The following ANKS1B variants were observed in gnomAD, a reference collection of about 807,000 sequenced individuals.
The protein encoded by ANKS1B is ankyrin repeat and sterile alpha motif domain containing 1B.
Under a neutral mutation model 148.3 loss-of-function variants are expected in ANKS1B, and 36 were observed. That is an observed-to-expected ratio of 0.24 (90% CI 0.19 to 0.32). The LOEUF (loss-of-function observed/expected upper bound fraction) is 0.32. ANKS1B is among the 10% of genes least tolerant of loss of function. The pLI, the probability that ANKS1B is intolerant of heterozygous loss-of-function variation, is 1.00. For synonymous variants in ANKS1B, 542 were observed against 560.8 expected (o/e 0.97, Z 0.47); for missense variants, 1,157 against 1,542.6 (o/e 0.75, Z 4.19).
At chr12:99,970,250 CTGA>C in intron 1 of ANKS1B, among the ~76,000 whole-genome samples, 1 of 152,134 alleles carries the variant, frequency 6.6e-6, no homozygotes, top group South Asian at 2.1e-4. Context: ...ATAGGTGCTT[CTGA>C]TGGAGGACAT....
intron 12 of ANKS1B, among the ~76,000 whole-genome samples, chr12:99,280,477 G>T (rs1395755652): frequency 6.6e-6 from 1 of 152,146 alleles, no homozygotes; most frequent in Non-Finnish European, 1.5e-5. Flanking sequence ...CTTCTGGGCT[G>T]CCATGGTACA....
At chr12:99,038,980 T>C (rs775478324) in intron 17 of ANKS1B, among the ~76,000 whole-genome samples, 7 of 152,268 alleles carry the variant, frequency 4.6e-5, no homozygotes, top group Admixed American at 6.5e-5. Flanking sequence ...TTATTGTCTT[T>C]GTCCAGCTCT....
Position 98,798,799 on chromosome 12 carries a change from C to G in ANKS1B, c.3342+135G>C. Reference sequence around the variant, plus strand: ...CATAAACATGCAGAAAGCAAGAGCACCTTTTTATGTAATACCAATGTGATT... The same window carrying G: ...CATAAACATGCAGAAAGCAAGAGCAGCTTTTTATGTAATACCAATGTGATT... On this transcript the variant is annotated intron_variant, in intron 22 of 26. Transcript: ENST00000683438. The G allele has an allele frequency of 6.5e-6, 4 of 611,496 alleles. No individual in the cohort carries two copies. In the East Asian group the frequency reaches 1.2e-4, roughly 18 times the overall value. 37.9% of individuals were successfully genotyped at this position (611,496 alleles called of 1,614,324 possible). A position where few individuals can be genotyped will look rare whatever the true frequency, so the allele number is the denominator to read the frequency against.
intron 12 of ANKS1B, among the ~76,000 whole-genome samples, chr12:99,293,030 T>C (rs2080259682): frequency 6.6e-6 from 1 of 152,224 alleles, no homozygotes; most frequent in East Asian, 1.9e-4. Flanking sequence ...CAAATCATGC[T>C]ACTATAAAGA....
At chr12:98,855,016 G>A (rs946067548) in intron 17 of ANKS1B, among the ~76,000 whole-genome samples, 7 of 151,946 alleles carry the variant, frequency 4.6e-5, no homozygotes, top group Middle Eastern at 3.4e-3. Context: ...AAAATTAGCC[G>A]GGCGCGGTGG....
intron 9 of ANKS1B, among the ~76,000 whole-genome samples, chr12:99,606,992 T>G (rs2097856012): frequency 1.3e-5 from 2 of 152,094 alleles, no homozygotes; most frequent in East Asian, 3.9e-4. Flanking sequence ...AAAGGCAAGG[T>G]CCATATGGAT....
chr12:99,433,533 T>G (rs150859967), intron 11 of ANKS1B, among the ~76,000 whole-genome samples: 35 of 152,302 alleles, frequency 2.3e-4, no homozygotes, highest in Non-Finnish European at 2.6e-4. Context: ...AGGATTTTTT[T>G]GATGGAATGG....
At chr12:99,702,998 A>G (rs2055119511) in intron 8 of ANKS1B, among the ~76,000 whole-genome samples, 1 of 152,076 alleles carries the variant, frequency 6.6e-6, no homozygotes, top group African/African-American at 2.4e-5. Context: ...ACAGATATCC[A>G]GTTTTCCCAG....
intron 12 of ANKS1B, among the ~76,000 whole-genome samples, chr12:99,391,556 T>A (rs932720731): frequency 6.6e-6 from 1 of 152,224 alleles, no homozygotes; most frequent in Non-Finnish European, 1.5e-5. Flanking sequence ...CTTGAGATAC[T>A]CTCACAGCAC....
chr12:99,633,193 A>G (rs2153404168), intron 9 of ANKS1B, among the ~76,000 whole-genome samples: 1 of 152,050 alleles, frequency 6.6e-6, no homozygotes, highest in African/African-American at 2.4e-5. Flanking sequence ...AGTCTTTGCT[A>G]TTGTGAATAG....
intron 8 of ANKS1B, among the ~76,000 whole-genome samples, chr12:99,736,950 T>A (rs1277129321): frequency 6.6e-6 from 1 of 152,090 alleles, no homozygotes; most frequent in African/African-American, 2.4e-5. Context: ...AATGTCAACA[T>A]CACTAATCAT....
intron 15 of ANKS1B, among the ~76,000 whole-genome samples, chr12:99,112,297 T>C (rs2060445455): frequency 6.6e-6 from 1 of 152,146 alleles, no homozygotes; most frequent in African/African-American, 2.4e-5. Flanking sequence ...AATGTCTGAA[T>C]TAAAATAATG....
At chr12:99,667,622 T>C (rs929348174) in intron 8 of ANKS1B, among the ~76,000 whole-genome samples, 4 of 152,172 alleles carry the variant, frequency 2.6e-5, no homozygotes, top group Admixed American at 2.0e-4. Context: ...GCCAGTACAA[T>C]GTTGAATACA....
At chr12:99,269,855 G>A (rs1312494941) in intron 12 of ANKS1B, among the ~76,000 whole-genome samples, 3 of 152,102 alleles carry the variant, frequency 2.0e-5, no homozygotes, top group African/African-American at 2.4e-5. Flanking sequence ...CACTGCACCC[G>A]GCCGACTTGC....
At chr12:99,716,049 G>T (rs1458572636) in intron 8 of ANKS1B, among the ~76,000 whole-genome samples, 2 of 152,060 alleles carry the variant, frequency 1.3e-5, no homozygotes, top group Non-Finnish European at 2.9e-5. Flanking sequence ...ACCCTTAGCA[G>T]CAAGTCCCGC....
chr12:99,165,592 C>T lies in ANKS1B; in HGVS notation c.2420-11197G>A, dbSNP rs534445218. ...CTCATGAAGAAAAGTTCATAACTGA[C>T]TAGCTCTCTACCTATTGAAGTAATT... On this transcript the variant is annotated intron_variant, in intron 14 of 26. Coordinates refer to ENST00000683438, the MANE Select transcript of ANKS1B (RefSeq NM_001352186.2). Among the ~76,000 whole-genome samples, 5 of 152,044 alleles carry T rather than the reference C, an allele frequency of 3.3e-5. No homozygotes were observed. In the South Asian group the frequency reaches 1.0e-3, roughly 32 times the overall value.
At chr12:99,699,150 GC>G (rs1244073593) in intron 8 of ANKS1B, among the ~76,000 whole-genome samples, 1 of 151,970 alleles carries the variant, frequency 6.6e-6, no homozygotes, top group African/African-American at 2.4e-5. Context: ...ACATTTCATT[GC>G]CCCCCTGCCA....
At chr12:99,268,790 A>G (rs1298450102) in intron 12 of ANKS1B, among the ~76,000 whole-genome samples, 1 of 152,228 alleles carries the variant, frequency 6.6e-6, no homozygotes, top group Non-Finnish European at 1.5e-5. Flanking sequence ...CTGCAACAAT[A>G]TGACAGTCAA....
chr12:99,327,894 A>G (rs1313187160), intron 12 of ANKS1B, among the ~76,000 whole-genome samples: 1 of 151,638 alleles, frequency 6.6e-6, no homozygotes, highest in Non-Finnish European at 1.5e-5. Context: ...TAGTATTCTG[A>G]ATATATCTAT....
Sources: gnomAD v4.1 joint callset for allele counts (sites outside exome capture counted in the v4.1 genomes callset) on GRCh38, gnomAD v4.1.1 for gene constraint, MANE v1.5 for transcripts, NCBI Gene and HGNC (gene_info 2026-07-23, HGNC 2026-07-21) for gene names.